UNC13C: variants seen among roughly 807,000 people sequenced by gnomAD.
UNC13C encodes the protein unc-13 homolog C, also known as protein unc-13 homolog C.
Under a neutral mutation model 245.4 loss-of-function variants are expected in UNC13C, and 174 were observed. The ratio of observed to expected loss-of-function variants is 0.71; its 90% CI spans 0.63 to 0.80. The LOEUF is 0.80. UNC13C is among the 30% of genes least tolerant of loss of function. The pLI is 0.00. For missense variants in UNC13C, 2,829 were observed against 2,602.9 expected (o/e 1.09, Z -1.89); for synonymous variants, 992 against 895.1 (o/e 1.11, Z -1.93).
At chr15:54,484,990 T>C (rs1159538895) in intron 19 of UNC13C, among the ~76,000 whole-genome samples, 1 of 136,838 alleles carries the variant, frequency 7.3e-6, no homozygotes, top group Non-Finnish European at 1.6e-5. Flanking sequence ...TAATTTGAAC[T>C]ATTATGGATG....
intron 27 of UNC13C, among the ~76,000 whole-genome samples, chr15:54,548,209 T>G (rs1374624067): frequency 2.9e-5 from 1 of 34,734 alleles, no homozygotes; most frequent in Non-Finnish European, 4.8e-5. Context: ...TTTCTTTTGC[T>G]TTTTTTTTTT....
At chr15:53,892,947 T>C in the UNC13C span, among the ~76,000 whole-genome samples, 3 of 152,130 alleles carry the variant, frequency 2.0e-5, no homozygotes, top group Non-Finnish European at 4.4e-5. Context: ...GGAGGAGAAG[T>C]GGTGTTCTGG....
chr15:54,238,887 T>G (rs1420750974), intron 7 of UNC13C, among the ~76,000 whole-genome samples: 1 of 152,194 alleles, frequency 6.6e-6, no homozygotes, highest in Admixed American at 6.5e-5. Flanking sequence ...TGAGGGAGCT[T>G]TAAAACATAC....
the UNC13C span, among the ~76,000 whole-genome samples, chr15:53,885,647 AT>A: frequency 2.0e-5 from 3 of 152,196 alleles, no homozygotes; most frequent in African/African-American, 7.2e-5. Flanking sequence ...TAAATTTGGT[AT>A]GCTTTTCTCT....
chr15:54,338,503 T>C lies in UNC13C; in HGVS notation c.4713+14T>C. ...CTAACAGACCCGGTAAGAAAATATG[T>C]ATGTCTTTTATAATCGCCACTTTTG... On this transcript the variant is annotated intron_variant, in intron 17 of 32. Coordinates refer to ENST00000260323, the MANE Select transcript of UNC13C (RefSeq NM_001080534.3). The C allele has an allele frequency of 6.2e-7, 1 of 1,610,488 alleles. No homozygotes were observed. The highest frequency in any genetic ancestry group is 1.3e-5 in the African/African-American group (1 of 75,034).
chr15:54,631,345 C>CAA (rs1462727302), downstream of UNC13C: 1 of 152,112 alleles, frequency 6.6e-6, no homozygotes, highest in African/African-American at 2.4e-5. Context: ...GACCCTGTCT[C>CAA]AAAAAATATG....
intron 1 of UNC13C, among the ~76,000 whole-genome samples, chr15:53,997,474 A>G (rs1197042103): frequency 1.3e-5 from 2 of 152,162 alleles, no homozygotes; most frequent in African/African-American, 2.4e-5. Context: ...AAATTTTTCT[A>G]TACCTTTAGT....
At chr15:54,469,011 A>T (rs989325720) in intron 19 of UNC13C, among the ~76,000 whole-genome samples, 2 of 151,594 alleles carry the variant, frequency 1.3e-5, no homozygotes, top group Non-Finnish European at 3.0e-5. Flanking sequence ...TGCTGAATCT[A>T]TAGATTGATT....
intron 18 of UNC13C, among the ~76,000 whole-genome samples, chr15:54,412,404 C>A (rs1234243829): frequency 6.6e-6 from 1 of 152,038 alleles, no homozygotes; most frequent in Non-Finnish European, 1.5e-5. Flanking sequence ...GCTTTTAAAA[C>A]CATCAGATCT....
At chr15:54,612,956 G>C (rs1443776402) in intron 30 of UNC13C, among the ~76,000 whole-genome samples, 1 of 151,890 alleles carries the variant, frequency 6.6e-6, no homozygotes, top group Admixed American at 6.6e-5. Flanking sequence ...AATTAATTCA[G>C]TGGGGTCCTA....
chr15:54,464,107 A>G (rs924813764), intron 19 of UNC13C, among the ~76,000 whole-genome samples: 1 of 152,214 alleles, frequency 6.6e-6, no homozygotes, highest in African/African-American at 2.4e-5. Context: ...AACAGCAATT[A>G]AAAGTGCCTA....
intron 19 of UNC13C, among the ~76,000 whole-genome samples, chr15:54,482,614 A>AATTTCACTGTTCTCTCCCAGATGCTGT (rs1893183524): frequency 6.7e-6 from 1 of 149,654 alleles, no homozygotes; most frequent in Non-Finnish European, 1.5e-5. Context: ...TTCCCTGCTG[A>AATTTCACTGTTCTCTCCCAGATGCTGT]ATTCCACTGT....
rs1203465340 is a variant in UNC13C, at chr15:54,626,955, G to A, written c.6487G>A (p.Gly2163Arg). The A allele has an allele frequency of 1.2e-6, 2 of 1,613,460 alleles. No homozygotes were observed. Among genetic ancestry groups the A allele is most frequent in the Non-Finnish European group, 1.7e-6 (2 of 1,179,642 alleles). The change falls in exon 33 of 33, where the codon GGA becomes AGA. Residue 2163 changes from glycine (G) to arginine (R), a missense_variant. Coordinates refer to ENST00000260323, the MANE Select transcript of UNC13C (RefSeq NM_001080534.3). ...TCAGCTACAGAACATAGCAGAAAAG[G>A]GAAGCTATGGGGCATGGTATCCTCT... ...VIQLQNIAEK[G>R]SYGAWYPLLK... is the part of the protein sequence containing the mutation.
At chr15:54,046,489 A>G (rs1390035474) in intron 2 of UNC13C, among the ~76,000 whole-genome samples, 1 of 152,144 alleles carries the variant, frequency 6.6e-6, no homozygotes, top group Non-Finnish European at 1.5e-5. Context: ...TGAAATCAAT[A>G]ATCTTTTCAT....
At chr15:54,154,969 T>C (rs1214337761) in intron 4 of UNC13C, among the ~76,000 whole-genome samples, 1 of 152,210 alleles carries the variant, frequency 6.6e-6, no homozygotes, top group East Asian at 1.9e-4. Context: ...ATAAATTAGG[T>C]GCTCAGTTGT....
intron 2 of UNC13C, among the ~76,000 whole-genome samples, chr15:54,090,976 C>T (rs1899538083): frequency 6.6e-6 from 1 of 150,960 alleles, no homozygotes; most frequent in Non-Finnish European, 1.5e-5. Flanking sequence ...ATGAGATGCT[C>T]TTGGTGCACA....
chr15:54,185,910 T>G (rs1247346735), intron 4 of UNC13C, among the ~76,000 whole-genome samples: 2 of 151,308 alleles, frequency 1.3e-5, no homozygotes, highest in Non-Finnish European at 2.9e-5. Context: ...GAGCATGGAA[T>G]GTTCTTCCAT....
At chr15:54,616,601 A>T (rs1048942000) in intron 30 of UNC13C, among the ~76,000 whole-genome samples, 1 of 152,080 alleles carries the variant, frequency 6.6e-6, no homozygotes, top group Non-Finnish European at 1.5e-5. Flanking sequence ...TTTAAAATAG[A>T]AAAAATTTTA....
At chr15:54,448,079 C>T (rs547556450) in intron 19 of UNC13C, among the ~76,000 whole-genome samples, 8 of 152,156 alleles carry the variant, frequency 5.3e-5, no homozygotes, top group East Asian at 1.9e-4. Context: ...TGTAGTTGAG[C>T]GGTTTTGAGT....
Sources: allele counts gnomAD v4.1 joint callset (sites outside exome capture counted in the v4.1 genomes callset), GRCh38; gene constraint gnomAD v4.1.1; transcripts MANE v1.5; gene names NCBI Gene and HGNC (gene_info 2026-07-23, HGNC 2026-07-21).